Variants in GPC6 observed in about 807,000 individuals in gnomAD.
GPC6 encodes glypican 6.
GPC6 carries 14 observed loss-of-function variants against 55.2 expected under a neutral mutation model. The observed-to-expected ratio is 0.25, with a 90% CI of 0.17 to 0.40. The LOEUF is 0.40. Ranked by LOEUF, GPC6 falls within the 10% of genes least tolerant of loss-of-function variation. The pLI is 1.00. For synonymous variants in GPC6, 278 were observed against 259.6 expected (o/e 1.07, Z -0.68); for missense variants, 641 against 708.5 (o/e 0.90, Z 1.08).
chr13:93,590,602 T>A (rs1566438957), intron 2 of GPC6, among the ~76,000 whole-genome samples: 1 of 152,050 alleles, frequency 6.6e-6, no homozygotes, highest in Non-Finnish European at 1.5e-5. Context: ...ATAAGTTTTT[T>A]AAAAAAAGCA....
chr13:93,853,505 C>T (rs543541390), intron 3 of GPC6, among the ~76,000 whole-genome samples: 2 of 151,158 alleles, frequency 1.3e-5, no homozygotes, highest in African/African-American at 2.4e-5. Flanking sequence ...TCTAATAGAC[C>T]GTTCTATATA....
At chr13:93,647,954 G>T (rs1880245154) in intron 2 of GPC6, among the ~76,000 whole-genome samples, 1 of 152,116 alleles carries the variant, frequency 6.6e-6, no homozygotes, top group African/African-American at 2.4e-5. Flanking sequence ...CAAATATCTT[G>T]CTGCCTAAAC....
intron 3 of GPC6, among the ~76,000 whole-genome samples, chr13:94,015,531 T>A (rs1445596311): frequency 6.6e-6 from 1 of 152,242 alleles, no homozygotes; most frequent in Non-Finnish European, 1.5e-5. Flanking sequence ...TATGCATTTT[T>A]ATGAAGTCCT....
chr13:93,234,354 C>A (rs973991026), intron 1 of GPC6, among the ~76,000 whole-genome samples: 3 of 152,180 alleles, frequency 2.0e-5, no homozygotes, highest in East Asian at 1.9e-4. Flanking sequence ...CGTCCTCCCC[C>A]ACCCCCATCA....
At chr13:93,512,002 A>G (rs968880019) in intron 1 of GPC6, among the ~76,000 whole-genome samples, 4 of 152,024 alleles carry the variant, frequency 2.6e-5, no homozygotes, top group Admixed American at 6.6e-5. Flanking sequence ...TGGTGTACAG[A>G]AATGCTACAA....
At chr13:93,765,068 G>C (rs926156147) in intron 2 of GPC6, among the ~76,000 whole-genome samples, 3 of 152,022 alleles carry the variant, frequency 2.0e-5, no homozygotes, top group Non-Finnish European at 2.9e-5. Flanking sequence ...CAAAGTGCTG[G>C]GATTACAGGC....
intron 3 of GPC6, among the ~76,000 whole-genome samples, chr13:93,958,292 A>T (rs1173936161): frequency 6.6e-6 from 1 of 152,094 alleles, no homozygotes; most frequent in East Asian, 1.9e-4. Context: ...TTTGCCAAAG[A>T]AGAATATTTT....
chr13:93,498,446 G>T (rs1880391935), intron 1 of GPC6, among the ~76,000 whole-genome samples: 1 of 152,176 alleles, frequency 6.6e-6, no homozygotes. Flanking sequence ...GTTTGGCTGT[G>T]TCCCCACCCA....
intron 4 of GPC6, among the ~76,000 whole-genome samples, chr13:94,198,637 C>T (rs1383924592): frequency 1.3e-5 from 2 of 152,102 alleles, no homozygotes; most frequent in African/African-American, 4.8e-5. Flanking sequence ...CTTGGTGACC[C>T]CATCCAGCCT....
intron 3 of GPC6, among the ~76,000 whole-genome samples, chr13:93,934,897 A>C (rs1333311088): frequency 6.6e-6 from 1 of 151,238 alleles, no homozygotes; most frequent in African/African-American, 2.4e-5. Context: ...GTTTTATATA[A>C]ATTTAAGGAT....
the GPC6 span, among the ~76,000 whole-genome samples, chr13:93,220,641 C>A: frequency 6.6e-6 from 1 of 152,146 alleles, no homozygotes; most frequent in Non-Finnish European, 1.5e-5. Context: ...CAAAATGAAA[C>A]TCTTCCTGCT....
intron 2 of GPC6, among the ~76,000 whole-genome samples, chr13:93,572,357 A>G (rs8002353): frequency 0.048 from 7,321 of 152,238 alleles, 603 homozygotes; most frequent in African/African-American, 0.17. Flanking sequence ...GCTTGGGGAT[A>G]AAATGAAACA....
At chr13:94,061,214 G>T (rs1435980581) in intron 4 of GPC6, among the ~76,000 whole-genome samples, 1 of 152,108 alleles carries the variant, frequency 6.6e-6, no homozygotes, top group African/African-American at 2.4e-5. Context: ...GGAATCCATG[G>T]CAGGAAGTAT....
At chr13:94,131,854 T>TA (rs1213047272) in intron 4 of GPC6, among the ~76,000 whole-genome samples, 7 of 152,186 alleles carry the variant, frequency 4.6e-5, no homozygotes, top group Non-Finnish European at 1.0e-4. Context: ...GAAAGGGTTT[T>TA]AAAAATAATT....
chr13:94,113,749 A>G (rs1886329021), intron 4 of GPC6, among the ~76,000 whole-genome samples: 1 of 152,024 alleles, frequency 6.6e-6, no homozygotes, highest in African/African-American at 2.4e-5. Context: ...GGCCGGGCAT[A>G]GTATCTCACG....
intron 4 of GPC6, among the ~76,000 whole-genome samples, chr13:94,071,393 A>G (rs1884729776): frequency 6.6e-6 from 1 of 152,208 alleles, no homozygotes; most frequent in Admixed American, 6.5e-5. Flanking sequence ...AACTAATCCA[A>G]ATTGGCCATT....
chr13:94,334,092 G>T (rs774474937), intron 6 of GPC6, among the ~76,000 whole-genome samples: 18 of 152,152 alleles, frequency 1.2e-4, no homozygotes, highest in Non-Finnish European at 1.8e-4. Flanking sequence ...AAGGTATAGG[G>T]TATCTTCTGT....
At chr13:94,105,359 T>G (rs202227061) in intron 4 of GPC6, among the ~76,000 whole-genome samples, 1 of 30,258 alleles carries the variant, frequency 3.3e-5, no homozygotes, top group Non-Finnish European at 6.8e-5. Flanking sequence ...TAGAGCAAAA[T>G]ATCCTGTTTC....
intron 6 of GPC6, among the ~76,000 whole-genome samples, chr13:94,336,994 T>C (rs1877739328): frequency 6.6e-6 from 1 of 152,256 alleles, no homozygotes; most frequent in Non-Finnish European, 1.5e-5. Flanking sequence ...CCCTTCTAAC[T>C]GGTGGGTTAA....
Sources: allele counts gnomAD v4.1 joint callset (sites outside exome capture counted in the v4.1 genomes callset), GRCh38; gene constraint gnomAD v4.1.1; transcripts MANE v1.5; gene names NCBI Gene and HGNC (gene_info 2026-07-23, HGNC 2026-07-21).